Variants in PKNOX2 observed in about 807,000 individuals in gnomAD.
The protein encoded by PKNOX2 is PBX/knotted 1 homeobox 2.
In PKNOX2, 14 loss-of-function variants were observed where a neutral mutation model predicts 53.1. That is an observed-to-expected ratio of 0.26 (90% CI 0.17 to 0.41). The LOEUF (loss-of-function observed/expected upper bound fraction) is 0.41. Among genes scored for constraint, PKNOX2 ranks in the 10% least tolerant of loss-of-function variants. The pLI is 1.00. For synonymous variants in PKNOX2, 257 were observed against 242.8 expected (o/e 1.06, Z -0.54); for missense variants, 496 against 602.8 (o/e 0.82, Z 1.85).
At chr11:125,424,460 C>G (rs753055994) in intron 10 of PKNOX2, among the ~76,000 whole-genome samples, 1 of 152,100 alleles carries the variant, frequency 6.6e-6, no homozygotes, top group Non-Finnish European at 1.5e-5. Context: ...ATCCTGGCTG[C>G]CTTCCTCTGG....
chr11:125,283,677 T>C (rs1591511931), intron 2 of PKNOX2, among the ~76,000 whole-genome samples: 2 of 152,210 alleles, frequency 1.3e-5, no homozygotes, highest in East Asian at 1.9e-4. Context: ...GGTTGGAAGA[T>C]GGAAGAACAG....
At chr11:125,175,248 GAA>G (rs1304389300) in intron 1 of PKNOX2, among the ~76,000 whole-genome samples, 2 of 80,128 alleles carry the variant, frequency 2.5e-5, no homozygotes, top group African/African-American at 5.0e-5. Flanking sequence ...AGGAAGGAAG[GAA>G]AGAAGGAAGG....
intron 2 of PKNOX2, among the ~76,000 whole-genome samples, chr11:125,251,045 G>C (rs963301803): frequency 6.6e-6 from 1 of 152,204 alleles, no homozygotes; most frequent in Non-Finnish European, 1.5e-5. Flanking sequence ...GGCTGCGGGC[G>C]CCCCTCCACC....
chr11:125,202,219 C>G (rs113919772), intron 1 of PKNOX2, among the ~76,000 whole-genome samples: 2 of 152,204 alleles, frequency 1.3e-5, no homozygotes, highest in Admixed American at 6.5e-5. Context: ...AAGACAGCCC[C>G]CCATCTCGCT....
intron 2 of PKNOX2, among the ~76,000 whole-genome samples, chr11:125,263,903 C>A (rs529706268): frequency 6.6e-6 from 1 of 152,262 alleles, no homozygotes; most frequent in African/African-American, 2.4e-5. Context: ...CCTGGAATGG[C>A]GTATAAGGGG....
chr11:125,333,130 C>T (rs1224884123), intron 3 of PKNOX2, among the ~76,000 whole-genome samples: 1 of 152,178 alleles, frequency 6.6e-6, no homozygotes, highest in Admixed American at 6.5e-5. Flanking sequence ...AAGGAGTTCA[C>T]TGTAGACAGC....
chr11:125,307,881 A>G (rs1452333894), intron 2 of PKNOX2, among the ~76,000 whole-genome samples: 2 of 152,220 alleles, frequency 1.3e-5, no homozygotes, highest in African/African-American at 2.4e-5. Context: ...GCAACTCACC[A>G]TAGGCAAGGT....
chr11:125,395,129 T>C (rs1375166719), intron 6 of PKNOX2, among the ~76,000 whole-genome samples: 5 of 152,238 alleles, frequency 3.3e-5, no homozygotes, highest in Admixed American at 3.3e-4. Context: ...ATCTCTATAA[T>C]TTTGTCATTT....
chr11:125,213,035 C>A (rs1940057548), intron 1 of PKNOX2, among the ~76,000 whole-genome samples: 1 of 152,080 alleles, frequency 6.6e-6, no homozygotes, highest in South Asian at 2.1e-4. Flanking sequence ...CCTAGCCTCA[C>A]CACTGAAATT....
intron 1 of PKNOX2, among the ~76,000 whole-genome samples, chr11:125,227,848 A>G (rs949353245): frequency 6.6e-6 from 1 of 152,162 alleles, no homozygotes; most frequent in Non-Finnish European, 1.5e-5. Flanking sequence ...GCAACTACTG[A>G]CCTCACTGGG....
At chr11:125,175,258 AGGAAGGAG>A (rs1955631918) in intron 1 of PKNOX2, among the ~76,000 whole-genome samples, 1 of 147,274 alleles carries the variant, frequency 6.8e-6, no homozygotes, top group Admixed American at 6.7e-5. Flanking sequence ...GAAAGAAGGA[AGGAAGGAG>A]GGAGAGCTTC....
At chr11:125,289,676 C>CA (rs1389195734) in intron 2 of PKNOX2, among the ~76,000 whole-genome samples, 4 of 152,142 alleles carry the variant, frequency 2.6e-5, no homozygotes, top group Admixed American at 1.3e-4. Context: ...TAAAAACAAA[C>CA]AAAAAACCAA....
intron 5 of PKNOX2, among the ~76,000 whole-genome samples, chr11:125,379,055 CTTT>C (rs35310311): frequency 1.6e-5 from 2 of 124,432 alleles, no homozygotes; most frequent in Admixed American, 8.3e-5. Context: ...TTTTCTTTCT[CTTT>C]TTTTTTTTTT....
At chr11:125,364,941 C>T (rs774464678) in intron 4 of PKNOX2, among the ~76,000 whole-genome samples, 8 of 152,020 alleles carry the variant, frequency 5.3e-5, no homozygotes, top group Non-Finnish European at 7.4e-5. Flanking sequence ...CTCTGCTTGG[C>T]GTCTGCAATG....
chr11:125,243,971 G>A (rs1943369246), intron 2 of PKNOX2, among the ~76,000 whole-genome samples: 1 of 152,204 alleles, frequency 6.6e-6, no homozygotes, highest in African/African-American at 2.4e-5. Flanking sequence ...TGCACTGCCA[G>A]GGGAGGTACT....
chr11:125,353,706 G>T (rs1384467535), intron 4 of PKNOX2, among the ~76,000 whole-genome samples: 3 of 152,378 alleles, frequency 2.0e-5, no homozygotes, highest in African/African-American at 4.8e-5. Flanking sequence ...TGGGGAAGCT[G>T]CCATCTATTT....
chr11:125,289,244 GAGA>G (rs759236038), intron 2 of PKNOX2, among the ~76,000 whole-genome samples: 1 of 152,210 alleles, frequency 6.6e-6, no homozygotes, highest in Non-Finnish European at 1.5e-5. Flanking sequence ...CCAAAATGGG[GAGA>G]AGGAGATGAG....
chr11:125,423,495 G>A (rs376301390), intron 10 of PKNOX2, among the ~76,000 whole-genome samples: 11 of 152,300 alleles, frequency 7.2e-5, no homozygotes, highest in Non-Finnish European at 8.8e-5. Flanking sequence ...ACCTGCAGAT[G>A]CCCACAGGAA....
At position 125,422,640 on chromosome 11, in the gene PKNOX2, G is replaced by A. The variant is rs1956227586; in HGVS notation, c.937-6372G>A. The stretch of plus-strand genomic sequence containing the variant: ...AGGGTTGCATGGAGGCGCTGAAAAG[G>A]GAAGGTGTGCAAGAGACCCCTGGGT... On this transcript the variant is annotated intron_variant, in intron 10 of 12. Coordinates refer to ENST00000298282, the MANE Select transcript of PKNOX2 (RefSeq NM_001382323.2). This position sits in a 1 kb window ranked among gnomAD's most constrained non-coding sequence, Gnocchi z 4.1. Among the ~76,000 whole-genome samples, 1 of 152,148 alleles carries A rather than the reference G, an allele frequency of 6.6e-6. No homozygotes were observed. The highest frequency in any genetic ancestry group is 2.4e-5 in the African/African-American group (1 of 41,432).
Sources: gnomAD v4.1 joint callset for allele counts (sites outside exome capture counted in the v4.1 genomes callset) on GRCh38, gnomAD v4.1.1 for gene constraint, Gnocchi (gnomAD v3.1) non-coding constraint, MANE v1.5 for transcripts, NCBI Gene and HGNC (gene_info 2026-07-23, HGNC 2026-07-21) for gene names.